KANK1: variants seen among roughly 807,000 people sequenced by gnomAD.
KANK1 encodes KN motif and ankyrin repeat domains 1, also known as KN motif and ankyrin repeat domain-containing protein 1.
A neutral mutation model predicts 106.2 loss-of-function variants in KANK1; 109 were observed. That is an observed-to-expected ratio of 1.03 (90% CI 0.88 to 1.20). The LOEUF (loss-of-function observed/expected upper bound fraction) is 1.20. Ranked by LOEUF, KANK1 falls within the 50% of genes most tolerant of loss-of-function variation. The pLI, the probability that KANK1 is intolerant of heterozygous loss-of-function variation, is 0.00. For synonymous variants in KANK1, 873 were observed against 652.2 expected (o/e 1.34, Z -5.16); for missense variants, 2,399 against 1,710.7 (o/e 1.40, Z -7.10).
intron 3 of KANK1, among the ~76,000 whole-genome samples, chr9:715,786 T>C (rs923155091): frequency 6.6e-6 from 1 of 152,266 alleles, no homozygotes; most frequent in Admixed American, 6.5e-5. Context: ...TTCACCATTT[T>C]GTTTAACGTT....
rs535224115 is a variant in KANK1, at chr9:645,788, G to A, written c.-83-31102G>A. 2.1e-4 allele frequency among the ~76,000 whole-genome samples: 32 copies of A among 150,724 alleles called. 1 individual carries two copies. The highest frequency in any genetic ancestry group is 3.4e-3 in the Middle Eastern group (1 of 294). ...TAATCCTGACCAGCCAGCTGAGATC[G>A]TGCCACTGCACTTCAGCTTGGGCGA... On this transcript the variant is annotated intron_variant, in intron 1 of 11. Transcript: ENST00000382297.
intron 10 of KANK1, among the ~76,000 whole-genome samples, chr9:743,199 G>A (rs1489306913): frequency 6.6e-6 from 1 of 152,220 alleles, no homozygotes; most frequent in African/African-American, 2.4e-5. Context: ...TTGGATCAGA[G>A]CTTCTTTAGC....
chr9:711,627 C>G lies in KANK1; in HGVS notation c.861C>G (p.Leu287=). 6.2e-7 allele frequency: 1 copy of G among 1,614,080 alleles called. No homozygotes were observed. The highest frequency in any genetic ancestry group is 8.5e-7 in the Non-Finnish European group (1 of 1,180,022). ...LEEQVRTIPV[L]QVKISVLQEE... is the part of the protein sequence containing the mutation. Reference sequence around the variant, plus strand: ...AGCAGGTGCGAACCATCCCTGTGCTCCAGGTAAAGATCTCTGTCTTGCAAG... The same window carrying G: ...AGCAGGTGCGAACCATCCCTGTGCTGCAGGTAAAGATCTCTGTCTTGCAAG... Residue 287 remains leucine (L), a synonymous_variant, in exon 3 of 12, where the codon CTC becomes CTG. Transcript: ENST00000382297.
intron 5 of KANK1, chr9:732,039 G>C (rs1412553925): frequency 2.6e-5 from 5 of 190,662 alleles, no homozygotes; most frequent in African/African-American, 1.2e-4. Flanking sequence ...GGATGAAATA[G>C]GAAGACATGG....
At chr9:713,625 A>G (rs931152057) in intron 3 of KANK1, among the ~76,000 whole-genome samples, 161 bp downstream of exon 3, 35 of 152,194 alleles carry the variant, frequency 2.3e-4, no homozygotes, top group African/African-American at 8.2e-4. Context: ...ATCAAAATCC[A>G]TAAGCACCTC....
At chr9:706,697 G>A in intron 2 of KANK1, 1 of 739,084 alleles carries the variant, frequency 1.4e-6, no homozygotes. Context: ...AATGATAAAG[G>A]ATAACTACTT....
chr9:603,095 G>A (rs1390333466), intron 1 of KANK1, among the ~76,000 whole-genome samples: 1 of 151,666 alleles, frequency 6.6e-6, no homozygotes, highest in Non-Finnish European at 1.5e-5. Flanking sequence ...ATTCTCTTTT[G>A]GAATATAGAT....
At chr9:639,636 A>G (rs1837940097) in intron 1 of KANK1, among the ~76,000 whole-genome samples, 1 of 152,126 alleles carries the variant, frequency 6.6e-6, no homozygotes, top group Admixed American at 6.5e-5. Context: ...ATGATTTACC[A>G]AACAGTGCCA....
chr9:703,922 C>CA (rs1564016838), intron 2 of KANK1, among the ~76,000 whole-genome samples: 1 of 152,120 alleles, frequency 6.6e-6, no homozygotes, highest in Non-Finnish European at 1.5e-5. Context: ...CCATGTTGGA[C>CA]AGACTGGTCT....
intron 1 of KANK1, among the ~76,000 whole-genome samples, chr9:527,437 G>T (rs2059843065): frequency 6.6e-6 from 1 of 151,608 alleles, no homozygotes; most frequent in Non-Finnish European, 1.5e-5. Flanking sequence ...AAGTAGCTGG[G>T]ATTACAGGCA....
chr9:604,823 C>G (rs903221), intron 1 of KANK1, among the ~76,000 whole-genome samples: 64,464 of 151,464 alleles, frequency 0.43, 15,179 homozygotes, highest in South Asian at 0.57. Context: ...GAGTGAGACT[C>G]TCTCAAAAAA....
intron 1 of KANK1, among the ~76,000 whole-genome samples, chr9:523,974 A>G (rs1374894146): frequency 6.6e-6 from 1 of 151,756 alleles, no homozygotes; most frequent in Non-Finnish European, 1.5e-5. Flanking sequence ...AGCTCCTAGA[A>G]CGGAACTGGA....
intron 7 of KANK1, 130 bp from the exon 8 acceptor site, chr9:738,155 T>C (rs1365375177): frequency 4.3e-6 from 3 of 704,786 alleles, no homozygotes; most frequent in Non-Finnish European, 7.1e-6. Flanking sequence ...TTAGGGCTGT[T>C]GGTTTTTGAG....
intron 3 of KANK1, among the ~76,000 whole-genome samples, chr9:727,429 C>T (rs993466338): frequency 1.3e-5 from 2 of 151,542 alleles, no homozygotes; most frequent in African/African-American, 2.4e-5. Context: ...GATTCTCCTA[C>T]CTCAGCCTCC....
At chr9:621,629 C>T (rs1428437457) in intron 1 of KANK1, among the ~76,000 whole-genome samples, 1 of 152,066 alleles carries the variant, frequency 6.6e-6, no homozygotes, top group Non-Finnish European at 1.5e-5. Context: ...CCATTTCTGC[C>T]TTCCCATGAC....
chr9:664,502 G>A (rs1844116214), intron 1 of KANK1, among the ~76,000 whole-genome samples: 1 of 152,110 alleles, frequency 6.6e-6, no homozygotes, highest in South Asian at 2.1e-4. Context: ...CTGCTATGTT[G>A]TCCAGGCTGG....
In KANK1 at chr9:708,887, C is replaced by G. The variant is rs919984179; in HGVS notation, c.38-1917C>G. 1.2e-4 allele frequency among the ~76,000 whole-genome samples: 18 copies of G among 152,138 alleles called. 1 individual carries two copies. Among genetic ancestry groups the G allele is most frequent in the African/African-American group, 4.3e-4 (18 of 41,432 alleles). On this transcript the variant is annotated intron_variant, in intron 2 of 11. Coordinates refer to ENST00000382297, the MANE Select transcript of KANK1 (RefSeq NM_015158.5). Reference sequence around the variant, plus strand: ...GAAAACAACACATGACCTGATCCTACAATTTAAAAAAATAAAAATGACCTT... The same window carrying G: ...GAAAACAACACATGACCTGATCCTAGAATTTAAAAAAATAAAAATGACCTT...
intron 3 of KANK1, among the ~76,000 whole-genome samples, chr9:721,735 A>T (rs1401091320): frequency 6.6e-6 from 1 of 152,194 alleles, no homozygotes; most frequent in African/African-American, 2.4e-5. Context: ...TGAAGCTAGG[A>T]CTTTCACTTC....
intron 1 of KANK1, among the ~76,000 whole-genome samples, chr9:551,310 A>G (rs944469567): frequency 3.3e-5 from 5 of 151,794 alleles, no homozygotes; most frequent in African/African-American, 1.2e-4. Context: ...GTTACCCATG[A>G]TGGTGTTTCA....
Sources: gnomAD v4.1 joint callset for allele counts (sites outside exome capture counted in the v4.1 genomes callset) on GRCh38, gnomAD v4.1.1 for gene constraint, MANE v1.5 for transcripts, NCBI Gene and HGNC (gene_info 2026-07-23, HGNC 2026-07-21) for gene names.